UBE2Q1: variants seen among roughly 807,000 people sequenced by gnomAD.
The protein encoded by UBE2Q1 is ubiquitin-conjugating enzyme E2 Q1.
A neutral mutation model predicts 60.1 loss-of-function variants in UBE2Q1; 6 were observed. That is an observed-to-expected ratio of 0.10 (90% CI 0.05 to 0.20). The LOEUF (loss-of-function observed/expected upper bound fraction) is 0.20, where lower values mean the gene tolerates loss of function less well. Among genes scored for constraint, UBE2Q1 ranks in the 10% least tolerant of loss-of-function variants. UBE2Q1 has a pLI of 1.00. For missense variants in UBE2Q1, 262 were observed against 525.8 expected, an observed-to-expected ratio of 0.50 and a Z score of 4.91; for synonymous variants, 226 against 208.3, an observed-to-expected ratio of 1.09 and a Z score of -0.73.
In UBE2Q1 at chr1:154,549,284, TG is replaced by T. The variant is rs778945748; in HGVS notation, c.*1153del. On this transcript the variant is annotated 3_prime_UTR_variant, in exon 13 of 13. Transcript: ENST00000292211. ...TTCCCTCCCTGGCAGTTCCTGAGCC[TG>T]GGGTAAGGACACAGGTGTATAGAAC... 1 of 152,306 alleles carries T rather than the reference TG, an allele frequency of 6.6e-6. No homozygotes were observed. Among genetic ancestry groups the T allele is most frequent in the East Asian group, 1.9e-4 (1 of 5,196 alleles). 9.4% of individuals were successfully genotyped at this position (152,306 alleles called of 1,614,324 possible).
chr1:154,551,585 G>T, intron 10 of UBE2Q1, 93 bp from the exon 11 acceptor site: 1 of 1,488,044 alleles, frequency 6.7e-7, no homozygotes, highest in Non-Finnish European at 9.3e-7. Flanking sequence ...GTGTCTATAG[G>T]AGGGCCCTTG....
rs1041188335 is a variant in UBE2Q1 at position 154,551,603 on chromosome 1, C to T, written c.1075-111G>A. ...TCTATAGGAGGGCCCTTGCCCTTTG[C>T]CCCCAGCACTGCCACCACCTGTCTG... On this transcript the variant is annotated intron_variant, in intron 10 of 12. Coordinates refer to ENST00000292211, the MANE Select transcript of UBE2Q1 (RefSeq NM_017582.7). 5 of 1,438,768 alleles carry T rather than the reference C, an allele frequency of 3.5e-6. No homozygotes were observed. In the African/African-American group the frequency reaches 4.2e-5, roughly 12 times the overall value. 89.1% of individuals were successfully genotyped at this position (1,438,768 alleles called of 1,614,324 possible).
At position 154,555,982 on chromosome 1, in the gene UBE2Q1, A is replaced by G. The variant is rs1695878845; in HGVS notation, c.328-18T>C. On this transcript the variant is annotated intron_variant, in intron 1 of 12. Transcript: ENST00000292211. ...TATGACTCCTGAAGGGAAAAGAGCA[A>G]TAAGAGCAATCAAAATGGGTGACTC... is the stretch of plus-strand genomic sequence containing the variant. 5 of 1,609,216 alleles carry G rather than the reference A, an allele frequency of 3.1e-6. No homozygotes were observed. Among genetic ancestry groups the G allele is most frequent in the Non-Finnish European group, 4.3e-6 (5 of 1,175,992 alleles).
intron 12 of UBE2Q1, 47 bp from the exon 13 acceptor site, chr1:154,550,516 C>CT (rs779328623): frequency 1.5e-5 from 24 of 1,612,370 alleles, no homozygotes; most frequent in Non-Finnish European, 1.9e-5. Flanking sequence ...CAGGCCCACC[C>CT]TCCCTGTCCT....
At chr1:154,550,520 CT>C in intron 12 of UBE2Q1, 51 bp from the exon 13 acceptor site, 1 of 1,611,748 alleles carries the variant, frequency 6.2e-7, no homozygotes, top group Non-Finnish European at 8.5e-7. Flanking sequence ...CCCACCCTCC[CT>C]GTCCTGCCCC....
chr1:154,551,236 C>T, intron 11 of UBE2Q1, 161 bp downstream of exon 11: 1 of 858,034 alleles, frequency 1.2e-6, no homozygotes, highest in South Asian at 1.7e-5. Context: ...GGGGCCAAGG[C>T]ACAGTTGTTC....
At position 154,552,756 on chromosome 1, in the gene UBE2Q1, C is replaced by T. The variant is rs781649844; in HGVS notation, c.794G>A (p.Arg265Gln). The T allele has an allele frequency of 3.1e-6, 5 of 1,614,010 alleles. No individual in the cohort carries two copies. Among genetic ancestry groups the T allele is most frequent in the African/African-American group, 2.7e-5 (2 of 74,930 alleles). Residue 265 changes from arginine to glutamine, a missense_variant, in exon 6 of 13, where the codon CGA becomes CAA. By Grantham distance (43) the Arg-to-Gln change is conservative. Coordinates refer to ENST00000292211, the MANE Select transcript of UBE2Q1 (RefSeq NM_017582.7). ...CTCACCGCCTTTGAAACTCTGTGAT[C>T]GGTATATATCCCTGAGCTCCTTCAT... ...RLMKELRDIY[R>Q]SQSFKGGNYA...
intron 3 of UBE2Q1, chr1:154,555,152 A>C (rs1322435509): frequency 1.8e-6 from 1 of 559,298 alleles, no homozygotes; most frequent in Non-Finnish European, 3.2e-6. Flanking sequence ...ACCAACTGTT[A>C]TTGCTAAGAT....
At position 154,558,540 on chromosome 1, in the gene UBE2Q1, T is replaced by C; in HGVS notation, c.14A>G (p.Gln5Arg). The C allele has an allele frequency of 9.4e-7, 1 of 1,066,316 alleles. No individual in the cohort carries two copies. The highest frequency in any genetic ancestry group is 7.1e-5 in the East Asian group (1 of 14,126). 66.1% of individuals were successfully genotyped at this position (1,066,316 alleles called of 1,614,324 possible). A position where few individuals can be genotyped will look rare whatever the true frequency, so the allele number is the denominator to read the frequency against. Residue 5 changes from glutamine to arginine, a missense_variant, in exon 1 of 13, where the codon CAG becomes CGG. Around this residue, in one of 5 missense-constraint regions of UBE2Q1, gnomAD observed 70 missense variants for 56.7 expected, o/e 1.24. Coordinates refer to ENST00000292211, the MANE Select transcript of UBE2Q1 (RefSeq NM_017582.7). Reference sequence around the variant, plus strand: ...CCCCGGCTGCTGCTGCCCCTGCGGCTGCGGCTGCTGCATCCTCCGCTCCGC... The same window carrying C: ...CCCCGGCTGCTGCTGCCCCTGCGGCCGCGGCTGCTGCATCCTCCGCTCCGC... MQQP[Q>R]PQGQQQPGPG...
At chr1:154,554,162 C>T (rs1270912898) in intron 4 of UBE2Q1, among the ~76,000 whole-genome samples, 1 of 152,184 alleles carries the variant, frequency 6.6e-6, no homozygotes, top group Non-Finnish European at 1.5e-5. Flanking sequence ...GATGCGGAAG[C>T]TGAGTCTAGT....
In UBE2Q1 at chr1:154,555,970, G is replaced by A. The variant is rs746342495; in HGVS notation, c.328-6C>T. 7 of 1,613,122 alleles carry A rather than the reference G, an allele frequency of 4.3e-6. No individual in the cohort carries two copies. The highest frequency in any genetic ancestry group is 5.1e-6 in the Non-Finnish European group (6 of 1,179,390). On this transcript the variant is annotated splice_polypyrimidine_tract_variant and splice_region_variant and intron_variant, in intron 1 of 12. Coordinates refer to ENST00000292211, the MANE Select transcript of UBE2Q1 (RefSeq NM_017582.7). ...GGCACAGCAGGGTATGACTCCTGAAGGGAAAAGAGCAATAAGAGCAATCAA... is the reference window on the plus strand; with the variant it reads ...GGCACAGCAGGGTATGACTCCTGAAAGGAAAAGAGCAATAAGAGCAATCAA...
In UBE2Q1 at chr1:154,554,771, G is replaced by T. The variant is rs372396696; in HGVS notation, c.552C>A (p.Asp184Glu). 1 of 1,613,412 alleles carries T rather than the reference G, an allele frequency of 6.2e-7. No individual in the cohort carries two copies. The highest frequency in any genetic ancestry group is 1.7e-5 in the Admixed American group (1 of 59,992). Residue 184 changes from aspartate to glutamate, a missense_variant, in exon 4 of 13, where the codon GAC becomes GAA. Physicochemically the swap from Asp to Glu is conservative, Grantham distance 45 (BLOSUM62 2). Around this residue, in one of 5 missense-constraint regions of UBE2Q1, gnomAD observed 111 missense variants for 266.8 expected, o/e 0.42. Transcript: ENST00000292211. ...PLPAEQCTQE[D>E]VSSEDEDEEM... ...CCTCATCTTCATCTTCTGAAGACAC[G>T]TCTTCCTGTGTGCACTGCAGCAAGG...
intron 11 of UBE2Q1, 27 bp downstream of exon 11, chr1:154,551,370 C>CACCAGCCCCAGG: frequency 6.2e-7 from 1 of 1,611,218 alleles, no homozygotes; most frequent in Non-Finnish European, 8.5e-7. Flanking sequence ...CACCCAGCCC[C>CACCAGCCCCAGG]ACCAGCCCCA....
In UBE2Q1 at chr1:154,549,684, C is replaced by G. The variant is rs773638300; in HGVS notation, c.*754G>C. 2 of 152,630 alleles carry G rather than the reference C, an allele frequency of 1.3e-5. No individual in the cohort carries two copies. Among genetic ancestry groups the G allele is most frequent in the Non-Finnish European group, 1.5e-5 (1 of 68,042 alleles). 9.5% of individuals were successfully genotyped at this position (152,630 alleles called of 1,614,324 possible). ...CTTAGAAATTTGAAAACATCTGTGA[C>G]TAGAAAAGTAGTCCTAAGAATTAAC... On this transcript the variant is annotated 3_prime_UTR_variant, in exon 13 of 13. Coordinates refer to ENST00000292211, the MANE Select transcript of UBE2Q1 (RefSeq NM_017582.7).
Position 154,558,606 on chromosome 1 carries a change from C to A in UBE2Q1, c.-53G>T. On this transcript the variant is annotated 5_prime_UTR_variant, in exon 1 of 13. Coordinates refer to ENST00000292211, the MANE Select transcript of UBE2Q1 (RefSeq NM_017582.7). ...GCGGGCCGGGAGCCTCCGGCCTGCG[C>A]TCCGGGCTCCGCCGCCGCCGCCGCC... 1.0e-6 allele frequency: 1 copy of A among 979,338 alleles called. No homozygotes were observed. The highest frequency in any genetic ancestry group is 1.2e-6 in the Non-Finnish European group (1 of 840,290). The allele number at this position is 979,338 out of a possible 1,614,324, so 60.7% of individuals were successfully genotyped here. A position where few individuals can be genotyped will look rare whatever the true frequency, so the allele number is the denominator to read the frequency against.
Position 154,555,540 on chromosome 1 carries a change from T to C in UBE2Q1, c.433-8A>G, listed in dbSNP as rs1695867815. The C allele has an allele frequency of 6.2e-7, 1 of 1,612,554 alleles. No individual in the cohort carries two copies. The highest frequency in any genetic ancestry group is 8.5e-7 in the Non-Finnish European group (1 of 1,178,666). On this transcript the variant is annotated splice_polypyrimidine_tract_variant and splice_region_variant and intron_variant, in intron 2 of 12. Coordinates refer to ENST00000292211, the MANE Select transcript of UBE2Q1 (RefSeq NM_017582.7). Reference sequence around the variant, plus strand: ...CTTCAGATGCTGCAATAGCTACAGGTAGGGGAGCACAGAGACATCAAATCC... The same window carrying C: ...CTTCAGATGCTGCAATAGCTACAGGCAGGGGAGCACAGAGACATCAAATCC...
rs184154533 is a variant in UBE2Q1 at position 154,555,386 on chromosome 1, G to A, written c.537+42C>T. ...AATTATTTACTGAGTACCCTGTGGG[G>A]CAACTCTGCACAACAGGGCCCGAGG... On this transcript the variant is annotated intron_variant, in intron 3 of 12. Coordinates refer to ENST00000292211, the MANE Select transcript of UBE2Q1 (RefSeq NM_017582.7). The A allele has an allele frequency of 3.2e-3, 4,872 of 1,544,602 alleles. 12 individuals carry two copies. Among genetic ancestry groups the A allele is most frequent in the Non-Finnish European group, 3.9e-3 (4,406 of 1,118,032 alleles).
chr1:154,557,649 G>A (rs1695915646), intron 1 of UBE2Q1, among the ~76,000 whole-genome samples: 1 of 152,198 alleles, frequency 6.6e-6, no homozygotes, highest in Non-Finnish European at 1.5e-5. Flanking sequence ...GGTTACACCA[G>A]AAAAAGAATC....
rs112925152 is a variant in UBE2Q1 at position 154,551,140 on chromosome 1, C to T, written c.1171-136G>A. 85 of 1,058,986 alleles carry T rather than the reference C, an allele frequency of 8.0e-5. 1 individual carries two copies. In the South Asian group the frequency reaches 1.1e-3, roughly 14 times the overall value. The allele number at this position is 1,058,986 out of a possible 1,614,324, so 65.6% of individuals were successfully genotyped here. A position where few individuals can be genotyped will look rare whatever the true frequency, so the allele number is the denominator to read the frequency against. Reference sequence around the variant, plus strand: ...GGTCTAGTAAAACACTAAGTACCCTCCACCTTCGAGGTCCCTTGGAGGCAT... The same window carrying T: ...GGTCTAGTAAAACACTAAGTACCCTTCACCTTCGAGGTCCCTTGGAGGCAT... On this transcript the variant is annotated intron_variant, in intron 11 of 12. Coordinates refer to ENST00000292211, the MANE Select transcript of UBE2Q1 (RefSeq NM_017582.7).
Sources: gnomAD v4.1 joint callset for allele counts (sites outside exome capture counted in the v4.1 genomes callset) on GRCh38, gnomAD v4.1.1 for gene constraint, gnomAD v4.1.1 regional missense constraint, MANE v1.5 for transcripts, NCBI Gene and HGNC (gene_info 2026-07-23, HGNC 2026-07-21) for gene names.